The following AFF1 variants were observed in gnomAD, a reference collection of about 807,000 sequenced individuals.
AFF1 encodes the protein ALF transcription elongation factor 1, also known as AF4/FMR2 family member 1.
A neutral mutation model predicts 121.7 loss-of-function variants in AFF1; 48 were observed. That is an observed-to-expected ratio of 0.39 (90% CI 0.31 to 0.50). AFF1 has a LOEUF of 0.50. Among genes scored for constraint, AFF1 ranks in the 20% least tolerant of loss-of-function variants. The pLI is 0.76. For missense variants in AFF1, 1,523 were observed against 1,511.7 expected (o/e 1.01, Z -0.12); for synonymous variants, 613 against 563.0 (o/e 1.09, Z -1.26).
In AFF1 at chr4:87,042,068, C is replaced by T. The variant is rs942260584; in HGVS notation, c.39-4098C>T. On this transcript the variant is annotated intron_variant, in intron 2 of 20. Coordinates refer to ENST00000395146, the MANE Select transcript of AFF1 (RefSeq NM_001166693.3). ...TGTGAATCATGTAGGGTATTTGCCG[C>T]CTCCTAAAATTCCCTCATTAAAAAA... Among the ~76,000 whole-genome samples, 4 of 151,916 alleles carry T rather than the reference C, an allele frequency of 2.6e-5. No individual in the cohort carries two copies. The East Asian group carries it at 7.7e-4, about 29-fold the overall frequency.
chr4:87,082,476 A>G lies in AFF1; in HGVS notation c.1060-1644A>G, dbSNP rs139534555. ...TTCTCTTTGGTTATACCTGACTTCAAGACTCTTTCCAGGAAATTTACATGT... is the reference window on the plus strand; with the variant it reads ...TTCTCTTTGGTTATACCTGACTTCAGGACTCTTTCCAGGAAATTTACATGT... On this transcript the variant is annotated intron_variant, in intron 4 of 20. Coordinates refer to ENST00000395146, the MANE Select transcript of AFF1 (RefSeq NM_001166693.3). Among the ~76,000 whole-genome samples the G allele has an allele frequency of 3.9e-4, 60 of 152,316 alleles. 1 individual carries two copies. The East Asian group carries it at 8.9e-3, about 23-fold the overall frequency.
At position 87,039,728 on chromosome 4, in the gene AFF1, A is replaced by C. The variant is rs553769211; in HGVS notation, c.39-6438A>C. On this transcript the variant is annotated intron_variant, in intron 2 of 20. Transcript: ENST00000395146. ...CAAAGATGGTGGACAGTAGTATATGATCTGAAGGCAAGAACTTGGCTACTG... is the reference window on the plus strand; with the variant it reads ...CAAAGATGGTGGACAGTAGTATATGCTCTGAAGGCAAGAACTTGGCTACTG... Among the ~76,000 whole-genome samples the C allele has an allele frequency of 3.1e-4, 47 of 152,290 alleles. No homozygotes were observed. In the South Asian group the frequency reaches 9.5e-3, roughly 31 times the overall value.
chr4:87,000,612 TG>T (rs1725624213), intron 2 of AFF1, among the ~76,000 whole-genome samples: 1 of 82,350 alleles, frequency 1.2e-5, no homozygotes, highest in Admixed American at 1.3e-4. Context: ...ACTCTGTGTG[TG>T]TGTGTGTGTG....
rs368811641 is a variant in AFF1, at chr4:86,944,499, C to T, written c.-36-3999C>T. 3.7e-3 allele frequency among the ~76,000 whole-genome samples: 553 copies of T among 150,800 alleles called. 6 individuals carry two copies. Among genetic ancestry groups the T allele is most frequent in the Middle Eastern group, 0.014 (4 of 292 alleles). ...CTCCTGCCTCAGGCACGCGCCATCACGCTTGGCTAATTTTTTTTGTATTTT... is the reference window on the plus strand; with the variant it reads ...CTCCTGCCTCAGGCACGCGCCATCATGCTTGGCTAATTTTTTTTGTATTTT... On this transcript the variant is annotated intron_variant, in intron 1 of 20. Coordinates refer to ENST00000395146, the MANE Select transcript of AFF1 (RefSeq NM_001166693.3).
At chr4:87,134,941 C>T (rs957959945) in intron 20 of AFF1, among the ~76,000 whole-genome samples, 1 of 152,174 alleles carries the variant, frequency 6.6e-6, no homozygotes, top group East Asian at 1.9e-4. Context: ...TAGCGCCTTG[C>T]CCCTTCTGAA....
chr4:86,982,848 C>CAAAAAAAAA lies in AFF1; in HGVS notation c.38+34296_38+34304dup, dbSNP rs59568294. On this transcript the variant is annotated intron_variant, in intron 2 of 20. Coordinates refer to ENST00000395146, the MANE Select transcript of AFF1 (RefSeq NM_001166693.3). ...GGGCGACAGAGTAAGACTCTGTCTC[C>CAAAAAAAAA]AAAAAAAAAAAAAAAAAAAAAAAAA... is the stretch of plus-strand genomic sequence containing the variant. Among the ~76,000 whole-genome samples, 34 of 53,808 alleles carry CAAAAAAAAA rather than the reference C, an allele frequency of 6.3e-4. 1 individual carries two copies. The highest frequency in any genetic ancestry group is 2.3e-3 in the African/African-American group (34 of 14,716). The allele number at this position is 53,808 out of a possible 152,430, so 35.3% of individuals were successfully genotyped here.
intron 4 of AFF1, among the ~76,000 whole-genome samples, chr4:87,077,296 TG>T (rs963775973): frequency 2.0e-5 from 1 of 50,382 alleles, no homozygotes; most frequent in Non-Finnish European, 3.9e-5. Flanking sequence ...TGTTTTGTTT[TG>T]TTTTTTTTAC....
intron 4 of AFF1, among the ~76,000 whole-genome samples, chr4:87,054,839 T>C (rs1472310289): frequency 6.6e-6 from 1 of 152,194 alleles, no homozygotes; most frequent in African/African-American, 2.4e-5. Context: ...GAGGGCTAGG[T>C]TGGGCCTGCA....
At chr4:87,025,690 G>A (rs1728461336) in intron 2 of AFF1, among the ~76,000 whole-genome samples, 1 of 152,122 alleles carries the variant, frequency 6.6e-6, no homozygotes, top group South Asian at 2.1e-4. Flanking sequence ...TAGAGGCTAG[G>A]GATGCTGCTA....
At chr4:87,077,255 G>A (rs1722756535) in intron 4 of AFF1, among the ~76,000 whole-genome samples, 1 of 151,944 alleles carries the variant, frequency 6.6e-6, no homozygotes, top group Non-Finnish European at 1.5e-5. Context: ...GTGGCAACTC[G>A]AGTTCCATTA....
At chr4:87,019,946 A>G (rs1437958788) in intron 2 of AFF1, among the ~76,000 whole-genome samples, 1 of 151,842 alleles carries the variant, frequency 6.6e-6, no homozygotes, top group Non-Finnish European at 1.5e-5. Flanking sequence ...ATCTCCAGGT[A>G]GTTGTGTAGA....
At chr4:87,044,687 T>C (rs1730493361) in intron 2 of AFF1, among the ~76,000 whole-genome samples, 1 of 152,128 alleles carries the variant, frequency 6.6e-6, no homozygotes, top group Non-Finnish European at 1.5e-5. Flanking sequence ...AGAGGTAGTT[T>C]GTAAGAGAGT....
chr4:86,961,668 A>AT (rs558347263), intron 2 of AFF1, among the ~76,000 whole-genome samples: 1 of 151,964 alleles, frequency 6.6e-6, no homozygotes, highest in East Asian at 1.9e-4. Flanking sequence ...ACCCAAAAAA[A>AT]AAAAAATTAA....
chr4:86,965,647 G>A (rs1046513659), intron 2 of AFF1, among the ~76,000 whole-genome samples: 1 of 152,136 alleles, frequency 6.6e-6, no homozygotes, highest in African/African-American at 2.4e-5. Flanking sequence ...TTAGGCTAAT[G>A]GGCATTTTTG....
At chr4:87,012,134 G>GAGTT (rs1726827486) in intron 2 of AFF1, among the ~76,000 whole-genome samples, 1 of 151,706 alleles carries the variant, frequency 6.6e-6, no homozygotes, top group South Asian at 2.1e-4. Context: ...TAAGAGAGAG[G>GAGTT]AGTTATAAAG....
chr4:87,020,383 T>G (rs1727775649), intron 2 of AFF1, among the ~76,000 whole-genome samples: 1 of 152,370 alleles, frequency 6.6e-6, no homozygotes, highest in South Asian at 2.1e-4. Context: ...TGTATTCTTA[T>G]TTTGTCTGTT....
intron 1 of AFF1, among the ~76,000 whole-genome samples, chr4:86,947,932 G>A (rs1203814346): frequency 6.6e-6 from 1 of 151,828 alleles, no homozygotes; most frequent in Non-Finnish European, 1.5e-5. Context: ...AGAATGACCT[G>A]TTGATTTCCT....
At chr4:86,974,390 C>T (rs969600076) in intron 2 of AFF1, among the ~76,000 whole-genome samples, 4 of 152,140 alleles carry the variant, frequency 2.6e-5, no homozygotes, top group African/African-American at 9.7e-5. Flanking sequence ...CCTCAGGATG[C>T]GCCTGCCTCG....
chr4:86,941,667 A>C (rs949584764), intron 1 of AFF1, among the ~76,000 whole-genome samples: 3 of 151,720 alleles, frequency 2.0e-5, no homozygotes, highest in Non-Finnish European at 4.4e-5. Flanking sequence ...TAAATAAATA[A>C]ATAAATAAAT....
Sources: gnomAD v4.1 joint callset for allele counts (sites outside exome capture counted in the v4.1 genomes callset) on GRCh38, gnomAD v4.1.1 for gene constraint, MANE v1.5 for transcripts, NCBI Gene and HGNC (gene_info 2026-07-23, HGNC 2026-07-21) for gene names.